The following HEATR1 variants were observed in gnomAD, a reference collection of about 807,000 sequenced individuals.
HEATR1 encodes the protein HEAT repeat containing 1, also known as HEAT repeat-containing protein 1.
Under a neutral mutation model 248.2 loss-of-function variants are expected in HEATR1, and 77 were observed. The ratio of observed to expected loss-of-function variants is 0.31; its 90% CI spans 0.26 to 0.37. The LOEUF is 0.37. HEATR1 is among the 10% of genes least tolerant of loss of function. The pLI, the probability that HEATR1 is intolerant of heterozygous loss-of-function variation, is 1.00. For missense variants in HEATR1, 2,420 were observed against 2,504.9 expected, an observed-to-expected ratio of 0.97 and a Z score of 0.72; for synonymous variants, 897 against 923.1, an observed-to-expected ratio of 0.97 and a Z score of 0.51.
Position 236,592,634 on chromosome 1 carries a change from C to T in HEATR1, c.1194-1G>A. ...TGAAATATACTCTTCAAATAGAAGG[C>T]TGTAAAAAAAAAAACAGAAATATCA... is the stretch of plus-strand genomic sequence containing the variant. On this transcript the variant is annotated splice_acceptor_variant, in intron 9 of 44. Transcript: ENST00000366582. LOFTEE classifies it high-confidence loss of function. The T allele has an allele frequency of 8.4e-7, 1 of 1,194,234 alleles. No homozygotes were observed. Among genetic ancestry groups the T allele is most frequent in the Non-Finnish European group, 1.2e-6 (1 of 842,214 alleles). The allele number at this position is 1,194,234 out of a possible 1,614,324, so 74.0% of individuals were successfully genotyped here.
intron 24 of HEATR1, chr1:236,573,914 T>A (rs1663496517): frequency 4.8e-6 from 1 of 208,428 alleles, no homozygotes; most frequent in Non-Finnish European, 9.4e-6. Context: ...ATTCCTTGCA[T>A]AAAGGAATAG....
chr1:236,569,111 T>C lies in HEATR1; in HGVS notation c.3962A>G (p.His1321Arg), dbSNP rs201502489. The C allele has an allele frequency of 6.3e-6, 10 of 1,585,570 alleles. No individual in the cohort carries two copies. The highest frequency in any genetic ancestry group is 6.8e-6 in the Non-Finnish European group (8 of 1,169,390). Residue 1321 changes from histidine (H) to arginine (R), a missense_variant, in exon 29 of 45, where the codon CAC (histidine) becomes CGC (arginine). Transcript: ENST00000366582. ...VAGIFPDKVLHNIMSIFTFMG... is the reference protein window; with the variant it reads ...VAGIFPDKVLRNIMSIFTFMG... ...AAATGTAAAAATAGACATGATATTG[T>C]GTAAAACTTTATCCTGAAAGAAAAC...
Position 236,572,842 on chromosome 1 carries a change from G to T in HEATR1, c.3460-14C>A, listed in dbSNP as rs1285022734. On this transcript the variant is annotated splice_polypyrimidine_tract_variant and intron_variant, in intron 24 of 44. Coordinates refer to ENST00000366582, the MANE Select transcript of HEATR1 (RefSeq NM_018072.6). ...ATTAACGGAAATCTGAAATATTGAA[G>T]GAAGAAGAGTTGATGATATAATCCA... The T allele has an allele frequency of 6.2e-7, 1 of 1,600,318 alleles. No homozygotes were observed. The highest frequency in any genetic ancestry group is 1.1e-5 in the South Asian group (1 of 90,704).
chr1:236,574,793 T>C lies in HEATR1; in HGVS notation c.3195A>G (p.Gly1065=), dbSNP rs779659455. 35 of 1,613,910 alleles carry C rather than the reference T, an allele frequency of 2.2e-5. No homozygotes were observed. In the Admixed American group the frequency reaches 5.8e-4, roughly 27 times the overall value. Residue 1065 remains glycine, a synonymous_variant, in exon 23 of 45, where the codon GGA becomes GGG. Coordinates refer to ENST00000366582, the MANE Select transcript of HEATR1 (RefSeq NM_018072.6). ...DEAMVLHLTL[G]KYNEFSVSLL... is the part of the protein sequence containing the mutation. The stretch of plus-strand genomic sequence containing the variant: ...GGGAAACTGAAAATTCATTATACTT[T>C]CCCAGAGTGAGATGCAGAACCATGG...
intron 3 of HEATR1, among the ~76,000 whole-genome samples, chr1:236,601,256 T>G (rs1367363835): frequency 4.7e-5 from 7 of 150,350 alleles, no homozygotes; most frequent in African/African-American, 1.5e-4. Flanking sequence ...CATTTTTTGT[T>G]TTTTTTTTTT....
intron 9 of HEATR1, among the ~76,000 whole-genome samples, chr1:236,593,109 G>A (rs1422217945): frequency 6.6e-6 from 1 of 152,010 alleles, no homozygotes; most frequent in Non-Finnish European, 1.5e-5. Flanking sequence ...CAGGAGAATC[G>A]CTTGAACCTG....
At chr1:236,565,123 T>C (rs1663235053) in intron 31 of HEATR1, among the ~76,000 whole-genome samples, 1 of 152,144 alleles carries the variant, frequency 6.6e-6, no homozygotes, top group Non-Finnish European at 1.5e-5. Context: ...ACCTCCCTCG[T>C]CTGTCCCTGC....
intron 20 of HEATR1, among the ~76,000 whole-genome samples, chr1:236,577,985 C>G (rs1015617585): frequency 6.6e-6 from 1 of 152,130 alleles, no homozygotes; most frequent in Non-Finnish European, 1.5e-5. Context: ...AATATTTGGT[C>G]CCAGACTGGT....
At chr1:236,604,310 C>T (rs576833105) in intron 1 of HEATR1, 112 bp downstream of exon 1, 2 of 445,424 alleles carry the variant, frequency 4.5e-6, no homozygotes, top group Non-Finnish European at 7.7e-6. Flanking sequence ...TAGCGGCGAC[C>T]GCGCCAAGGC....
At position 236,550,866 on chromosome 1, in the gene HEATR1, G is replaced by T; in HGVS notation, c.*36C>A. ...AAATAAAAATATGAAATATGAGTGTGAACTCTGAGTAGAGTATGAAACACC... is the reference window on the plus strand; with the variant it reads ...AAATAAAAATATGAAATATGAGTGTTAACTCTGAGTAGAGTATGAAACACC... On this transcript the variant is annotated 3_prime_UTR_variant, in exon 45 of 45. Coordinates refer to ENST00000366582, the MANE Select transcript of HEATR1 (RefSeq NM_018072.6). 6.8e-7 allele frequency: 1 copy of T among 1,480,850 alleles called. No individual in the cohort carries two copies. The highest frequency in any genetic ancestry group is 9.2e-7 in the Non-Finnish European group (1 of 1,087,738). 91.7% of individuals were successfully genotyped at this position (1,480,850 alleles called of 1,614,324 possible).
At chr1:236,565,250 T>C (rs1025894774) in intron 31 of HEATR1, among the ~76,000 whole-genome samples, 4 of 152,226 alleles carry the variant, frequency 2.6e-5, no homozygotes, top group Admixed American at 6.5e-5. Context: ...GTACCTTCCT[T>C]CTAACGTGCC....
chr1:236,593,584 G>GAAAAAAAAAAAAAAAAA (rs534009257), intron 9 of HEATR1, among the ~76,000 whole-genome samples: 1 of 90,822 alleles, frequency 1.1e-5, no homozygotes, highest in Non-Finnish European at 2.2e-5. Flanking sequence ...CCCATTAAGA[G>GAAAAAAAAAAAAAAAAA]AAAAAAAAAA....
Position 236,571,558 on chromosome 1 carries a change from A to T in HEATR1, c.3826+10T>A. On this transcript the variant is annotated intron_variant, in intron 27 of 44. Coordinates refer to ENST00000366582, the MANE Select transcript of HEATR1 (RefSeq NM_018072.6). ...AATTTTTCTAACCTTTCCTTCCAAA[A>T]AGTACCTACCTTTGGGTATTTTGCC... 1 of 1,613,038 alleles carries T rather than the reference A, an allele frequency of 6.2e-7. No homozygotes were observed. Among genetic ancestry groups the T allele is most frequent in the Non-Finnish European group, 8.5e-7 (1 of 1,179,534 alleles).
intron 20 of HEATR1, among the ~76,000 whole-genome samples, chr1:236,578,765 A>G (rs984035797): frequency 1.3e-5 from 2 of 152,148 alleles, no homozygotes; most frequent in East Asian, 1.9e-4. Context: ...TCAATTTTCA[A>G]TGTTATGCCA....
chr1:236,592,667 T>C (rs943914115), intron 9 of HEATR1, 34 bp from the exon 10 acceptor site: 4 of 824,562 alleles, frequency 4.9e-6, no homozygotes, highest in East Asian at 2.6e-5. Context: ...TCAGCATACA[T>C]AAGAGTTACT....
Position 236,591,926 on chromosome 1 carries a change from T to G in HEATR1, c.1422+67A>C. 13 of 914,710 alleles carry G rather than the reference T, an allele frequency of 1.4e-5. No homozygotes were observed. The South Asian group carries it at 2.4e-4, about 17-fold the overall frequency. 56.7% of individuals were successfully genotyped at this position (914,710 alleles called of 1,614,324 possible). ...GGGAAAAAAGTGGCAAATTTCCTTC[T>G]GGAGCTCTTCACATACCCATACAAA... On this transcript the variant is annotated intron_variant, in intron 11 of 44. Coordinates refer to ENST00000366582, the MANE Select transcript of HEATR1 (RefSeq NM_018072.6).
Position 236,550,677 on chromosome 1 carries a change from A to G in HEATR1, c.*225T>C, listed in dbSNP as rs1662687418. 1 of 460,376 alleles carries G rather than the reference A, an allele frequency of 2.2e-6. No homozygotes were observed. Among genetic ancestry groups the G allele is most frequent in the Admixed American group, 3.8e-5 (1 of 25,976 alleles). 28.5% of individuals were successfully genotyped at this position (460,376 alleles called of 1,614,324 possible). A position where few individuals can be genotyped will look rare whatever the true frequency, so the allele number is the denominator to read the frequency against. On this transcript the variant is annotated 3_prime_UTR_variant, in exon 45 of 45. Transcript: ENST00000366582. The stretch of plus-strand genomic sequence containing the variant: ...CAAACACAGCAGTCTGTATAAAAAT[A>G]CCGTGTATCATTTACTCTTTCTGCA...
intron 1 of HEATR1, 24 bp from the exon 2 acceptor site, chr1:236,604,151 T>C: frequency 6.6e-7 from 1 of 1,513,110 alleles, no homozygotes; most frequent in Non-Finnish European, 8.8e-7. Context: ...AGCACTTTGA[T>C]AAGTTTCTAC....
intron 18 of HEATR1, 54 bp from the exon 19 acceptor site, chr1:236,582,926 A>G (rs2103143248): frequency 6.2e-7 from 1 of 1,607,116 alleles, no homozygotes; most frequent in Non-Finnish European, 8.5e-7. Context: ...ACATGCTGGG[A>G]GCTTTTTATT....
Sources: gnomAD v4.1 joint callset for allele counts (sites outside exome capture counted in the v4.1 genomes callset) on GRCh38, gnomAD v4.1.1 for gene constraint, MANE v1.5 for transcripts, NCBI Gene and HGNC (gene_info 2026-07-23, HGNC 2026-07-21) for gene names.